Variants in TMEM242 observed in about 807,000 individuals in gnomAD.
TMEM242 encodes transmembrane protein 242, also known as UPF0463 transmembrane protein C6orf35.
In TMEM242, 10 loss-of-function variants were observed where a neutral mutation model predicts 18.2. The observed-to-expected ratio is 0.55, with a 90% CI of 0.34 to 0.93. The LOEUF (loss-of-function observed/expected upper bound fraction) is 0.93, where lower values mean the gene tolerates loss of function less well. Among genes scored for constraint, TMEM242 ranks in the 40% least tolerant of loss-of-function variants. The probability of loss-of-function intolerance (pLI) is 0.02; values close to 1 mark genes in which losing one functional copy is unlikely to be tolerated. For missense variants in TMEM242, 186 were observed against 175.5 expected, an observed-to-expected ratio of 1.06 and a Z score of -0.34; for synonymous variants, 57 against 69.9, an observed-to-expected ratio of 0.81 and a Z score of 0.92.
intron 3 of TMEM242, among the ~76,000 whole-genome samples, chr6:157,313,003 C>A (rs1554249558): frequency 6.6e-6 from 1 of 151,960 alleles, no homozygotes; most frequent in South Asian, 2.1e-4. Context: ...TCATAGTGTC[C>A]CAGTGTCCGC....
intron 2 of TMEM242, 111 bp from the exon 3 acceptor site, chr6:157,319,030 A>C: frequency 1.8e-6 from 2 of 1,140,706 alleles, no homozygotes. Context: ...TTAGGAAGCT[A>C]AATCAACCCA....
Position 157,290,149 on chromosome 6 carries a change from C to T in TMEM242, c.*2752G>A, listed in dbSNP as rs1554246764. 6.6e-6 allele frequency: 1 copy of T among 152,212 alleles called. No homozygotes were observed. The highest frequency in any genetic ancestry group is 1.5e-5 in the Non-Finnish European group (1 of 68,058). 9.4% of individuals were successfully genotyped at this position (152,212 alleles called of 1,614,324 possible). ...GTCTCGGAAGCCACTCCTCCCTGCC[C>T]GTGCTTTCTCTAATAGCTCTTTTGG... is the stretch of plus-strand genomic sequence containing the variant. On this transcript the variant is annotated 3_prime_UTR_variant, in exon 4 of 4. Transcript: ENST00000400788.
At chr6:157,316,371 T>C (rs952712296) in intron 3 of TMEM242, among the ~76,000 whole-genome samples, 8 of 152,228 alleles carry the variant, frequency 5.3e-5, no homozygotes, top group Non-Finnish European at 1.0e-4. Flanking sequence ...TAATATCTGC[T>C]AGATAGTTAT....
At chr6:157,311,516 G>C (rs62425570) in intron 3 of TMEM242, among the ~76,000 whole-genome samples, 531 of 11,252 alleles carry the variant, frequency 0.047, 2 homozygotes, top group East Asian at 0.082. Context: ...TAGTGCCCCA[G>C]TGTGCACTCA....
rs1777678532 is a variant in TMEM242 at position 157,291,145 on chromosome 6, A to G, written c.*1756T>C. ...AAGGCAGGAATCCATTAACAGAATC[A>G]GTTAACAATGATTTCTCCTTTTAAC... On this transcript the variant is annotated 3_prime_UTR_variant, in exon 4 of 4. Transcript: ENST00000400788. The G allele has an allele frequency of 6.6e-6, 1 of 152,254 alleles. No homozygotes were observed. Among genetic ancestry groups the G allele is most frequent in the Non-Finnish European group, 1.5e-5 (1 of 68,044 alleles). The allele number at this position is 152,254 out of a possible 1,614,324, so 9.4% of individuals were successfully genotyped here. A position where few individuals can be genotyped will look rare whatever the true frequency, so the allele number is the denominator to read the frequency against.
At chr6:157,299,542 GT>G (rs1308354937) in intron 3 of TMEM242, 3 of 1,507,502 alleles carry the variant, frequency 2.0e-6, no homozygotes, top group Admixed American at 1.7e-5. Context: ...CAATAACACG[GT>G]TTTTGGAAAA....
rs1583564595 is a variant in TMEM242 at position 157,311,067 on chromosome 6, T to C, written c.327+7715A>G. Among the ~76,000 whole-genome samples, 3 of 149,182 alleles carry C rather than the reference T, an allele frequency of 2.0e-5. No homozygotes were observed. In the East Asian group the frequency reaches 5.9e-4, roughly 29 times the overall value. On this transcript the variant is annotated intron_variant, in intron 3 of 3. Transcript: ENST00000400788. ...GTGCGCTCACCTAACCCCATCATAG[T>C]GCCCCAGTGTGCTCACACCTAGCCA...
chr6:157,307,160 T>C (rs1364532674), intron 3 of TMEM242, among the ~76,000 whole-genome samples: 2 of 152,194 alleles, frequency 1.3e-5, no homozygotes, highest in East Asian at 3.8e-4. Flanking sequence ...CAGTCCACAA[T>C]GCTTTATTTA....
At chr6:157,313,095 T>G (rs76236740) in intron 3 of TMEM242, among the ~76,000 whole-genome samples, 162 of 138,552 alleles carry the variant, frequency 1.2e-3, no homozygotes, top group South Asian at 1.4e-3. Flanking sequence ...CCTGGCCTCA[T>G]CAAAGTGTCC....
chr6:157,312,270 A>G (rs1583568542), intron 3 of TMEM242, among the ~76,000 whole-genome samples: 1 of 142,664 alleles, frequency 7.0e-6, no homozygotes, highest in African/African-American at 2.7e-5. Flanking sequence ...CCCAGTGTGC[A>G]CTCACCTAGC....
rs1479179913 is a variant in TMEM242 at position 157,314,776 on chromosome 6, T to C, written c.327+4006A>G. On this transcript the variant is annotated intron_variant, in intron 3 of 3. Transcript: ENST00000400788. Reference sequence around the variant, plus strand: ...GTGAAATGAAATTCCAGAATAATTATGAATAAACAAACAGTAAAACCAAAA... The same window carrying C: ...GTGAAATGAAATTCCAGAATAATTACGAATAAACAAACAGTAAAACCAAAA... Among the ~76,000 whole-genome samples the C allele has an allele frequency of 2.6e-5, 4 of 152,268 alleles. No homozygotes were observed. The East Asian group carries it at 5.8e-4, about 22-fold the overall frequency.
rs1472910280 is a variant in TMEM242, at chr6:157,289,587, C to A, written c.*3314G>T. 3.3e-5 allele frequency: 5 copies of A among 152,134 alleles called. No homozygotes were observed. Among genetic ancestry groups the A allele is most frequent in the African/African-American group, 1.2e-4 (5 of 41,432 alleles). 9.4% of individuals were successfully genotyped at this position (152,134 alleles called of 1,614,324 possible). A position where few individuals can be genotyped will look rare whatever the true frequency, so the allele number is the denominator to read the frequency against. ...ATAAAAATGAGATGAAAATATATAA[C>A]CTTCCCCATAAACCAAGATTTAATC... On this transcript the variant is annotated 3_prime_UTR_variant, in exon 4 of 4. Coordinates refer to ENST00000400788, the MANE Select transcript of TMEM242 (RefSeq NM_018452.6).
At chr6:157,299,534 A>G (rs1227013855) in intron 3 of TMEM242, 2 of 1,489,568 alleles carry the variant, frequency 1.3e-6, no homozygotes, top group African/African-American at 2.8e-5. Flanking sequence ...GCCGCTTCCA[A>G]TAACACGGTT....
intron 3 of TMEM242, among the ~76,000 whole-genome samples, chr6:157,301,601 C>T (rs1257748680): frequency 3.9e-5 from 6 of 152,174 alleles, no homozygotes; most frequent in African/African-American, 1.2e-4. Context: ...CATAAGCCAA[C>T]GCGCCTGGCC....
rs1262555363 is a variant in TMEM242 at position 157,323,402 on chromosome 6, C to A, written c.88+10G>T. The A allele has an allele frequency of 6.2e-7, 1 of 1,613,858 alleles. No individual in the cohort carries two copies. The highest frequency in any genetic ancestry group is 8.5e-7 in the Non-Finnish European group (1 of 1,179,768). ...CCCCGACGCCCGCACCTCACCACAGCACATCTTACCTTTAACCAGGAAAAG... is the reference window on the plus strand; with the variant it reads ...CCCCGACGCCCGCACCTCACCACAGAACATCTTACCTTTAACCAGGAAAAG... On this transcript the variant is annotated intron_variant, in intron 1 of 3. Transcript: ENST00000400788.
intron 1 of TMEM242, 104 bp from the exon 2 acceptor site, chr6:157,322,909 T>A: frequency 1.1e-6 from 1 of 950,654 alleles, no homozygotes. Flanking sequence ...CGAGTTACAA[T>A]CAAAATCACT....
intron 3 of TMEM242, among the ~76,000 whole-genome samples, chr6:157,295,487 T>G (rs186557488): frequency 2.0e-5 from 3 of 152,320 alleles, no homozygotes; most frequent in Admixed American, 2.0e-4. Flanking sequence ...GGATGTCAGA[T>G]AGCCAAGACA....
At position 157,289,242 on chromosome 6, in the gene TMEM242, G is replaced by GCCA. The variant is rs1777652514; in HGVS notation, c.*3656_*3658dup. On this transcript the variant is annotated 3_prime_UTR_variant, in exon 4 of 4. Coordinates refer to ENST00000400788, the MANE Select transcript of TMEM242 (RefSeq NM_018452.6). ...AATTTTCTCCAAAACTGAGTTATCT[G>GCCA]CCATCACACAAAATTTGCTAACAGC... The GCCA allele has an allele frequency of 6.6e-6, 1 of 152,090 alleles. No homozygotes were observed. Among genetic ancestry groups the GCCA allele is most frequent in the South Asian group, 2.1e-4 (1 of 4,822 alleles). 9.4% of individuals were successfully genotyped at this position (152,090 alleles called of 1,614,324 possible). A position where few individuals can be genotyped will look rare whatever the true frequency, so the allele number is the denominator to read the frequency against.
intron 3 of TMEM242, among the ~76,000 whole-genome samples, chr6:157,313,080 A>T (rs71191616): frequency 9.1e-4 from 2 of 2,202 alleles, no homozygotes; most frequent in Admixed American, 4.9e-3. Context: ...CCCAGTATGC[A>T]CTCACCTGGC....
Sources: allele counts gnomAD v4.1 joint callset (sites outside exome capture counted in the v4.1 genomes callset), GRCh38; gene constraint gnomAD v4.1.1; transcripts MANE v1.5; gene names NCBI Gene and HGNC (gene_info 2026-07-23, HGNC 2026-07-21).